HTRA2: variants seen among roughly 807,000 people sequenced by gnomAD.
HTRA2 encodes the protein serine protease HTRA2, mitochondrial.
HTRA2 carries 24 observed loss-of-function variants against 42.2 expected under a neutral mutation model. The ratio of observed to expected loss-of-function variants is 0.57; its 90% CI spans 0.41 to 0.80. The LOEUF is 0.80. HTRA2 is among the 30% of genes least tolerant of loss of function. HTRA2 has a pLI of 0.00. For missense variants in HTRA2, 466 were observed against 613.5 expected, an observed-to-expected ratio of 0.76 and a Z score of 2.54; for synonymous variants, 245 against 255.8, an observed-to-expected ratio of 0.96 and a Z score of 0.40.
chr2:74,529,974 A>G lies in HTRA2; in HGVS notation c.-33A>G. The G allele has an allele frequency of 6.6e-7, 1 of 1,509,738 alleles. No individual in the cohort carries two copies. 93.5% of individuals were successfully genotyped at this position (1,509,738 alleles called of 1,614,324 possible). A position where few individuals can be genotyped will look rare whatever the true frequency, so the allele number is the denominator to read the frequency against. On this transcript the variant is annotated 5_prime_UTR_variant, in exon 1 of 8. Coordinates refer to ENST00000258080, the MANE Select transcript of HTRA2 (RefSeq NM_013247.5). ...CGCGTCCTGGGTGCCGCCTCTGAGT[A>G]GGGCGGGCGAGGAGGCAGCCAAGGC...
upstream of HTRA2, chr2:74,529,551 G>C: frequency 6.4e-7 from 1 of 1,552,484 alleles, no homozygotes. Context: ...AGCACGCGGG[G>C]ATCGGTCTCT....
At chr2:74,532,297 T>C in intron 6 of HTRA2, 1 of 476,810 alleles carries the variant, frequency 2.1e-6, no homozygotes, top group Non-Finnish European at 3.8e-6. Context: ...TGTTCTTGTT[T>C]TATATGGTTA....
chr2:74,531,606 G>T lies in HTRA2; in HGVS notation c.949G>T (p.Val317Leu). The change falls in exon 5 of 8, where the codon GTG (valine) becomes TTG (leucine). Residue 317 changes from valine (V) to leucine (L), a missense_variant. Transcript: ENST00000258080. Reference sequence around the variant, plus strand: ...GGCTGTATCCCTGCAGGATGGGGAGGTGATTGGAGTGAACACCATGAAGGT... The same window carrying T: ...GGCTGTATCCCTGCAGGATGGGGAGTTGATTGGAGTGAACACCATGAAGGT... ...GGPLVNLDGE[V>L]IGVNTMKVTA... 1 of 1,614,188 alleles carries T rather than the reference G, an allele frequency of 6.2e-7. No homozygotes were observed. The highest frequency in any genetic ancestry group is 8.5e-7 in the Non-Finnish European group (1 of 1,180,040).
rs374283370 is a variant in HTRA2, at chr2:74,532,725, G to C, written c.1211+11G>C. 3.5e-4 allele frequency: 567 copies of C among 1,612,758 alleles called. No homozygotes were observed. Among genetic ancestry groups the C allele is most frequent in the Non-Finnish European group, 4.5e-4 (533 of 1,179,002 alleles). ...CTCCCCTGCACACCGGTGAGGGAGA[G>C]GCTGCAGTGTGATATGGGGATGGGC... is the stretch of plus-strand genomic sequence containing the variant. On this transcript the variant is annotated intron_variant, in intron 7 of 7. Transcript: ENST00000258080.
chr2:74,532,705 C>T lies in HTRA2; in HGVS notation c.1202C>T (p.Pro401Leu). 1 of 1,613,744 alleles carries T rather than the reference C, an allele frequency of 6.2e-7. No individual in the cohort carries two copies. Among genetic ancestry groups the T allele is most frequent in the Non-Finnish European group, 8.5e-7 (1 of 1,179,878 alleles). Residue 401 changes from proline (P) to leucine (L), a missense_variant, in exon 7 of 8, where the codon CCT becomes CTT. This residue lies in a region of HTRA2 where 129 missense variants were observed against 163.1 expected (regional missense o/e 0.79). Transcript: ENST00000258080. ...VLIHKVILGSPAHRAGLRPGD... is the reference protein window; with the variant it reads ...VLIHKVILGSLAHRAGLRPGD... ...ATCCATAAAGTCATCCTGGGCTCCCCTGCACACCGGTGAGGGAGAGGCTGC... is the reference window on the plus strand; with the variant it reads ...ATCCATAAAGTCATCCTGGGCTCCCTTGCACACCGGTGAGGGAGAGGCTGC...
chr2:74,530,144 C>G lies in HTRA2; in HGVS notation c.138C>G (p.Pro46=). The G allele has an allele frequency of 6.2e-7, 1 of 1,612,280 alleles. No individual in the cohort carries two copies. Among genetic ancestry groups the G allele is most frequent in the South Asian group, 1.1e-5 (1 of 91,052 alleles). Residue 46 remains proline, a synonymous_variant, in exon 1 of 8, where the codon CCC becomes CCG. Transcript: ENST00000258080. This position sits in a 1 kb window ranked among gnomAD's most constrained non-coding sequence, Gnocchi z 7.4. ...TGCTGACGTCAGGAACTTCTGACCC[C>G]CGGGCCCGAGTGACTTATGGGACCC... ...RALLTSGTSD[P]RARVTYGTPS...
At chr2:74,529,871 C>T (rs886056343), upstream of HTRA2, 66 of 1,425,748 alleles carry the variant, frequency 4.6e-5, no homozygotes, top group Non-Finnish European at 6.0e-5. Flanking sequence ...GAGTCGGCCT[C>T]CCGGAATCCT....
downstream of HTRA2, chr2:74,533,552 G>T: frequency 6.5e-7 from 1 of 1,532,960 alleles, no homozygotes; most frequent in Non-Finnish European, 9.0e-7. Flanking sequence ...GGTAATGGCA[G>T]CCTCAGACCC....
upstream of HTRA2, chr2:74,529,417 G>T (rs1438319301): frequency 6.3e-7 from 1 of 1,594,072 alleles, no homozygotes; most frequent in Non-Finnish European, 8.5e-7. Flanking sequence ...TGGATCCCGA[G>T]AAAGAGGCGC....
At position 74,531,335 on chromosome 2, in the gene HTRA2, A is replaced by G. The variant is rs1558612148; in HGVS notation, c.907-4A>G. On this transcript the variant is annotated splice_region_variant and splice_polypyrimidine_tract_variant and intron_variant, in intron 3 of 7. Transcript: ENST00000258080. ...CTCTTTCATGTTTTCTCCTTGTCCT[A>G]CAGTTTGGAAACTCTGGAGGTCCCC... 1.2e-6 allele frequency: 2 copies of G among 1,614,022 alleles called. No homozygotes were observed. Among genetic ancestry groups the G allele is most frequent in the East Asian group, 2.2e-5 (1 of 44,890 alleles).
At position 74,531,716 on chromosome 2, in the gene HTRA2, A is replaced by G. The variant is rs757738646; in HGVS notation, c.1045+14A>G. The G allele has an allele frequency of 6.2e-7, 1 of 1,613,742 alleles. No homozygotes were observed. The highest frequency in any genetic ancestry group is 1.3e-5 in the African/African-American group (1 of 75,012). On this transcript the variant is annotated intron_variant, in intron 5 of 7. Transcript: ENST00000258080. ...GGGAAAAGAAGAGTGAGCCTGCCTT[A>G]TGGGGAAACGGGTTCCTTTAATGTG...
Position 74,532,882 on chromosome 2 carries a change from A to G in HTRA2, c.1274A>G (p.Glu425Gly), listed in dbSNP as rs902870900. ...GGGGAGCAGATGGTACAAAATGCTG[A>G]AGATGTTTATGAAGCTGTTCGAACC... ...AIGEQMVQNA[E>G]DVYEAVRTQS... is the part of the protein sequence containing the mutation. Residue 425 changes from glutamate (E) to glycine (G), a missense_variant, in exon 8 of 8, where the codon GAA becomes GGA. Physicochemically the swap from Glu to Gly is moderately conservative, Grantham distance 98 (BLOSUM62 -2). Transcript: ENST00000258080. 4 of 1,614,102 alleles carry G rather than the reference A, an allele frequency of 2.5e-6. No individual in the cohort carries two copies. Among genetic ancestry groups the G allele is most frequent in the Non-Finnish European group, 3.4e-6 (4 of 1,180,012 alleles).
intron 5 of HTRA2, 22 bp from the exon 6 acceptor site, chr2:74,531,834 C>G: frequency 6.2e-7 from 1 of 1,613,520 alleles, no homozygotes; most frequent in Non-Finnish European, 8.5e-7. Flanking sequence ...CTGGGTGGGG[C>G]TCATTTGTCC....
chr2:74,530,123 G>T lies in HTRA2; in HGVS notation c.117G>T (p.Leu39=). ...TGACCCCTGACCTCCGGGCCCTGCT[G>T]ACGTCAGGAACTTCTGACCCCCGGG... ...PRLTPDLRAL[L]TSGTSDPRAR... Residue 39 remains leucine, a synonymous_variant, in exon 1 of 8, where the codon CTG becomes CTT. Coordinates refer to ENST00000258080, the MANE Select transcript of HTRA2 (RefSeq NM_013247.5). This position sits in a 1 kb window ranked among gnomAD's most constrained non-coding sequence, Gnocchi z 7.4. 6.2e-7 allele frequency: 1 copy of T among 1,611,170 alleles called. No individual in the cohort carries two copies. Among genetic ancestry groups the T allele is most frequent in the East Asian group, 2.2e-5 (1 of 44,800 alleles).
At chr2:74,529,598 C>T (rs1235352819), upstream of HTRA2, 1 of 1,567,368 alleles carries the variant, frequency 6.4e-7, no homozygotes, top group Non-Finnish European at 8.7e-7. Flanking sequence ...GTCAAAGAGC[C>T]GCTCCGGCCC....
Position 74,531,332 on chromosome 2 carries a change from C to T in HTRA2, c.907-7C>T. On this transcript the variant is annotated splice_region_variant and splice_polypyrimidine_tract_variant and intron_variant, in intron 3 of 7. Coordinates refer to ENST00000258080, the MANE Select transcript of HTRA2 (RefSeq NM_013247.5). ...GATCTCTTTCATGTTTTCTCCTTGTCCTACAGTTTGGAAACTCTGGAGGTC... is the reference window on the plus strand; with the variant it reads ...GATCTCTTTCATGTTTTCTCCTTGTTCTACAGTTTGGAAACTCTGGAGGTC... 2.5e-6 allele frequency: 4 copies of T among 1,614,014 alleles called. No homozygotes were observed. Among genetic ancestry groups the T allele is most frequent in the Non-Finnish European group, 2.5e-6 (3 of 1,179,854 alleles).
chr2:74,529,801 G>T, upstream of HTRA2: 4 of 1,435,876 alleles, frequency 2.8e-6, no homozygotes, highest in Non-Finnish European at 3.6e-6. Context: ...GGCCCCTTGG[G>T]CCGTCTCACA....
chr2:74,530,335 C>A lies in HTRA2; in HGVS notation c.329C>A (p.Ala110Glu). 6.3e-7 allele frequency: 1 copy of A among 1,591,136 alleles called. No homozygotes were observed. The highest frequency in any genetic ancestry group is 8.6e-7 in the Non-Finnish European group (1 of 1,167,160). Residue 110 changes from alanine to glutamate, a missense_variant, in exon 1 of 8, where the codon GCG (alanine) becomes GAG (glutamate). Ala to Glu is a moderately radical substitution (Grantham distance 107). Coordinates refer to ENST00000258080, the MANE Select transcript of HTRA2 (RefSeq NM_013247.5). The surrounding 1 kb of genome is among the most constrained non-coding windows in gnomAD (Gnocchi z 7.4). ...CGTTCGCGCGCGTGGCTGGCGGTGGCGCTGGGCGCTGGGGGGGCAGTGCTG... is the reference window on the plus strand; with the variant it reads ...CGTTCGCGCGCGTGGCTGGCGGTGGAGCTGGGCGCTGGGGGGGCAGTGCTG... ...GTRSRAWLAV[A>E]LGAGGAVLLL...
intron 3 of HTRA2, 107 bp downstream of exon 3, chr2:74,531,212 C>A: frequency 6.5e-7 from 1 of 1,548,374 alleles, no homozygotes; most frequent in Non-Finnish European, 8.9e-7. Flanking sequence ...AGAGCTTAGG[C>A]TGCAAAAATG....
Sources: allele counts gnomAD v4.1 joint callset, GRCh38; gene constraint gnomAD v4.1.1; regional missense constraint gnomAD v4.1.1; non-coding constraint Gnocchi (gnomAD v3.1); transcripts MANE v1.5; gene names NCBI Gene and HGNC (gene_info 2026-07-23, HGNC 2026-07-21).